Variants in RBMS1 observed in about 807,000 individuals in gnomAD.
RBMS1 encodes the protein RNA-binding motif, single-stranded-interacting protein 1.
In RBMS1, 17 loss-of-function variants were observed where a neutral mutation model predicts 62.3. The ratio of observed to expected loss-of-function variants is 0.27; its 90% CI spans 0.19 to 0.41. RBMS1 has a LOEUF of 0.41. Among genes scored for constraint, RBMS1 ranks in the 10% least tolerant of loss-of-function variants. The pLI is 1.00. For missense variants in RBMS1, 334 were observed against 504.5 expected (o/e 0.66, Z 3.24); for synonymous variants, 172 against 170.0 (o/e 1.01, Z -0.09).
At chr2:160,379,963 C>A (rs1470874284) in intron 1 of RBMS1, among the ~76,000 whole-genome samples, 1 of 152,166 alleles carries the variant, frequency 6.6e-6, no homozygotes, top group African/African-American at 2.4e-5. Context: ...AGTTCCTACA[C>A]TTGAGTTTTC....
At chr2:160,443,304 C>T (rs527881475) in intron 1 of RBMS1, among the ~76,000 whole-genome samples, 5 of 151,474 alleles carry the variant, frequency 3.3e-5, no homozygotes, top group Non-Finnish European at 5.9e-5. Context: ...GAACTGAAGA[C>T]AGCCTCATAG....
intron 1 of RBMS1, among the ~76,000 whole-genome samples, chr2:160,424,307 C>A (rs1696555373): frequency 6.6e-6 from 1 of 151,796 alleles, no homozygotes; most frequent in Non-Finnish European, 1.5e-5. Flanking sequence ...GCATGAGCCA[C>A]CGCACCCAGC....
In RBMS1 at chr2:160,425,205, G is replaced by A. The variant is rs375572886; in HGVS notation, c.76-57814C>T. ...GGTAGTCCAGAATCTCAAGTTTAAC[G>A]GTATACACTTGTTCAGTGCCTCTGT... On this transcript the variant is annotated intron_variant, in intron 1 of 13. Coordinates refer to ENST00000348849, the MANE Select transcript of RBMS1 (RefSeq NM_016836.4). 1.4e-4 allele frequency among the ~76,000 whole-genome samples: 21 copies of A among 152,132 alleles called. 1 individual carries two copies. Among genetic ancestry groups the A allele is most frequent in the East Asian group, 1.4e-3 (7 of 5,176 alleles).
intron 1 of RBMS1, among the ~76,000 whole-genome samples, chr2:160,454,010 C>T (rs1684105618): frequency 6.6e-6 from 1 of 152,232 alleles, no homozygotes; most frequent in Non-Finnish European, 1.5e-5. Context: ...ATTCTCTCCA[C>T]CTCACCCCCA....
At chr2:160,324,301 C>T (rs1690761758) in intron 2 of RBMS1, among the ~76,000 whole-genome samples, 1 of 152,222 alleles carries the variant, frequency 6.6e-6, no homozygotes, top group Non-Finnish European at 1.5e-5. Context: ...TGCTAGGGAA[C>T]GTGCAGCTTT....
At chr2:160,462,701 C>T (rs139325197) in intron 1 of RBMS1, among the ~76,000 whole-genome samples, 4 of 152,088 alleles carry the variant, frequency 2.6e-5, no homozygotes, top group African/African-American at 7.2e-5. Flanking sequence ...CTCTGCCTCT[C>T]GGGTTCAAGC....
At chr2:160,348,139 A>C (rs1573906726) in intron 2 of RBMS1, among the ~76,000 whole-genome samples, 1 of 152,106 alleles carries the variant, frequency 6.6e-6, no homozygotes, top group East Asian at 1.9e-4. Context: ...GTGAGAAAGT[A>C]AACCATTATA....
chr2:160,286,068 GC>G (rs1261987220), intron 7 of RBMS1, among the ~76,000 whole-genome samples: 3 of 151,872 alleles, frequency 2.0e-5, no homozygotes, highest in African/African-American at 7.3e-5. Flanking sequence ...CGGAGATCGT[GC>G]CACTGCCCTC....
chr2:160,318,282 T>C (rs1210524982), intron 2 of RBMS1, 55 bp from the exon 3 acceptor site: 2 of 1,475,546 alleles, frequency 1.4e-6, no homozygotes, highest in South Asian at 1.3e-5. Flanking sequence ...AAAAAGAAGT[T>C]ATAAGGAACC....
intron 6 of RBMS1, among the ~76,000 whole-genome samples, chr2:160,293,894 C>T (rs987400323): frequency 2.0e-5 from 3 of 152,208 alleles, no homozygotes; most frequent in Non-Finnish European, 2.9e-5. Context: ...CTAATTTGGA[C>T]ACTGGTTCTA....
At chr2:160,472,995 G>C (rs1368895350) in intron 1 of RBMS1, among the ~76,000 whole-genome samples, 2 of 152,136 alleles carry the variant, frequency 1.3e-5, no homozygotes, top group Admixed American at 6.5e-5. Flanking sequence ...TTGTTTAATT[G>C]TATATATTCC....
rs1012885691 is a variant in RBMS1 at position 160,273,428 on chromosome 2, G to A, written c.*1344C>T. ...GATGCTGAGACAAGTTGGAGCTACT[G>A]GTTACTGGCTCTTCGGTCTTTGGTG... On this transcript the variant is annotated 3_prime_UTR_variant, in exon 14 of 14. Transcript: ENST00000348849. The A allele has an allele frequency of 6.6e-6, 1 of 152,124 alleles. No homozygotes were observed. Among genetic ancestry groups the A allele is most frequent in the South Asian group, 2.1e-4 (1 of 4,820 alleles). The allele number at this position is 152,124 out of a possible 1,614,324, so 9.4% of individuals were successfully genotyped here. A position where few individuals can be genotyped will look rare whatever the true frequency, so the allele number is the denominator to read the frequency against.
intron 2 of RBMS1, among the ~76,000 whole-genome samples, chr2:160,353,129 T>C (rs1192527214): frequency 2.0e-5 from 3 of 152,162 alleles, no homozygotes; most frequent in African/African-American, 4.8e-5. Flanking sequence ...ATCCACATTT[T>C]TGAGTTTATC....
At chr2:160,483,730 C>G (rs1293808681) in intron 1 of RBMS1, among the ~76,000 whole-genome samples, 3 of 152,154 alleles carry the variant, frequency 2.0e-5, no homozygotes, top group Non-Finnish European at 4.4e-5. Context: ...AGTGGCTTAA[C>G]TCTAAGAGTA....
chr2:160,315,364 T>A (rs1010411675), intron 3 of RBMS1, among the ~76,000 whole-genome samples: 6 of 152,288 alleles, frequency 3.9e-5, no homozygotes, highest in African/African-American at 1.4e-4. Context: ...TGGATTTGAT[T>A]ATATAAATAG....
At position 160,297,691 on chromosome 2, in the gene RBMS1, G is replaced by A. The variant is rs552218537; in HGVS notation, c.640+2960C>T. ...GAAGGCAAGCCCTGAACACAGTCTTGAAAGCTGAGGAAGAGACAGCCAGGC... is the reference window on the plus strand; with the variant it reads ...GAAGGCAAGCCCTGAACACAGTCTTAAAAGCTGAGGAAGAGACAGCCAGGC... On this transcript the variant is annotated intron_variant, in intron 6 of 13. Coordinates refer to ENST00000348849, the MANE Select transcript of RBMS1 (RefSeq NM_016836.4). Among the ~76,000 whole-genome samples, 135 of 152,334 alleles carry A rather than the reference G, an allele frequency of 8.9e-4. 1 individual carries two copies. Among genetic ancestry groups the A allele is most frequent in the Non-Finnish European group, 1.2e-3 (82 of 68,034 alleles).
intron 4 of RBMS1, among the ~76,000 whole-genome samples, chr2:160,311,248 A>ATATCTATATATCTATATC (rs1689892065): frequency 9.5e-6 from 1 of 105,358 alleles, no homozygotes; most frequent in Non-Finnish European, 2.2e-5. Context: ...ATATATATAT[A>ATATCTATATATCTATATC]TATATATATA....
chr2:160,296,020 C>T (rs927293511), intron 6 of RBMS1, among the ~76,000 whole-genome samples: 3 of 152,176 alleles, frequency 2.0e-5, no homozygotes, highest in Admixed American at 2.0e-4. Context: ...ATGTGTGGGG[C>T]CCTGCTCGTG....
intron 1 of RBMS1, among the ~76,000 whole-genome samples, chr2:160,438,614 T>C (rs1683222770): frequency 6.6e-6 from 1 of 152,208 alleles, no homozygotes; most frequent in African/African-American, 2.4e-5. Context: ...GGCAGAAGAA[T>C]TTTTCTTAGT....
Sources: gnomAD v4.1 joint callset for allele counts (sites outside exome capture counted in the v4.1 genomes callset) on GRCh38, gnomAD v4.1.1 for gene constraint, MANE v1.5 for transcripts, NCBI Gene and HGNC (gene_info 2026-07-23, HGNC 2026-07-21) for gene names.